Variants in SEMA6D observed in about 807,000 individuals in gnomAD.
The protein encoded by SEMA6D is semaphorin-6D.
SEMA6D carries 35 observed loss-of-function variants against 106.6 expected under a neutral mutation model. That is an observed-to-expected ratio of 0.33 (90% CI 0.25 to 0.44). The LOEUF (loss-of-function observed/expected upper bound fraction) is 0.44, where lower values mean the gene tolerates loss of function less well. SEMA6D is among the 20% of genes least tolerant of loss of function. The probability of loss-of-function intolerance (pLI) is 1.00; values close to 1 mark genes in which losing one functional copy is unlikely to be tolerated. For synonymous variants in SEMA6D, 499 were observed against 487.7 expected (o/e 1.02, Z -0.31); for missense variants, 1,185 against 1,345.9 (o/e 0.88, Z 1.87).
chr15:47,235,922 G>A (rs2032511328), intron 1 of SEMA6D, among the ~76,000 whole-genome samples: 1 of 152,022 alleles, frequency 6.6e-6, no homozygotes, highest in Non-Finnish European at 1.5e-5. Context: ...AGAATTCTTT[G>A]TTACTTTGTT....
At chr15:47,228,311 C>T (rs2031949518) in intron 1 of SEMA6D, among the ~76,000 whole-genome samples, 1 of 151,810 alleles carries the variant, frequency 6.6e-6, no homozygotes, top group Non-Finnish European at 1.5e-5. Flanking sequence ...ATGTAGATTA[C>T]TCCTGGCACT....
intron 3 of SEMA6D, among the ~76,000 whole-genome samples, chr15:47,512,637 G>A (rs1441501253): frequency 6.6e-6 from 1 of 152,166 alleles, no homozygotes; most frequent in African/African-American, 2.4e-5. Flanking sequence ...AAAAGGCCTA[G>A]AATCCTGGAC....
intron 3 of SEMA6D, among the ~76,000 whole-genome samples, chr15:47,500,514 A>G (rs1172884019): frequency 1.3e-5 from 2 of 152,184 alleles, no homozygotes; most frequent in Non-Finnish European, 2.9e-5. Context: ...AAAAACAGAC[A>G]TCATACAAAT....
chr15:47,724,893 A>G (rs1000484619), intron 1 of SEMA6D, among the ~76,000 whole-genome samples: 1 of 152,214 alleles, frequency 6.6e-6, no homozygotes, highest in Admixed American at 6.5e-5. Flanking sequence ...TCAGCTGCCA[A>G]CTGGTTCAGT....
At chr15:47,426,278 C>G (rs1375864846) in intron 2 of SEMA6D, among the ~76,000 whole-genome samples, 1 of 152,026 alleles carries the variant, frequency 6.6e-6, no homozygotes, top group African/African-American at 2.4e-5. Flanking sequence ...GCTGGTACTA[C>G]AGGCATGTAC....
At chr15:47,578,576 G>A (rs12899823) in intron 3 of SEMA6D, among the ~76,000 whole-genome samples, 37,533 of 152,072 alleles carry the variant, frequency 0.25, 5,288 homozygotes, top group East Asian at 0.46. Flanking sequence ...AAAAGTTGGG[G>A]TTAAGGATGC....
intron 4 of SEMA6D, among the ~76,000 whole-genome samples, chr15:47,673,343 A>G (rs1474230770): frequency 1.3e-5 from 2 of 152,160 alleles, no homozygotes; most frequent in Non-Finnish European, 2.9e-5. Flanking sequence ...AATATAACAC[A>G]ATTATCTCTT....
rs567224217 is a variant in SEMA6D at position 47,465,318 on chromosome 15, A to G, written c.-158-5156A>G. On this transcript the variant is annotated intron_variant, in intron 2 of 19. Transcript: ENST00000558014. The stretch of plus-strand genomic sequence containing the variant: ...CTTTCACTATTAATTGGTTCTTAAT[A>G]ATAAGCCCCTAAATATAGATGTTTG... Among the ~76,000 whole-genome samples, 20 of 152,294 alleles carry G rather than the reference A, an allele frequency of 1.3e-4. No individual in the cohort carries two copies. In the South Asian group the frequency reaches 3.3e-3, roughly 25 times the overall value.
chr15:47,231,853 A>G (rs1396814666), intron 1 of SEMA6D, among the ~76,000 whole-genome samples: 1 of 152,028 alleles, frequency 6.6e-6, no homozygotes, highest in African/African-American at 2.4e-5. Flanking sequence ...TAAAATTCAC[A>G]TAACATAAAA....
chr15:47,365,890 G>GGAGAGAGAGAGAGAGAGAGAGAGA (rs201368884), intron 1 of SEMA6D, among the ~76,000 whole-genome samples: 12 of 119,736 alleles, frequency 1.0e-4, no homozygotes, highest in Admixed American at 4.5e-4. Flanking sequence ...GAGAGAGAGA[G>GGAGAGAGAGAGAGAGAGAGAGAGA]GAGAGAGAGA....
intron 4 of SEMA6D, among the ~76,000 whole-genome samples, chr15:47,709,775 A>C (rs2146048349): frequency 6.6e-6 from 1 of 152,128 alleles, no homozygotes; most frequent in Non-Finnish European, 1.5e-5. Flanking sequence ...TTTGTTTCCA[A>C]TTTCTAGAAT....
intron 3 of SEMA6D, among the ~76,000 whole-genome samples, chr15:47,556,569 T>C (rs1163499334): frequency 5.3e-5 from 8 of 152,126 alleles, no homozygotes; most frequent in African/African-American, 1.9e-4. Flanking sequence ...TTTTTTTCTA[T>C]TTTTTTATTG....
chr15:47,191,364 C>A (rs1021673069), intron 1 of SEMA6D, among the ~76,000 whole-genome samples: 3 of 152,020 alleles, frequency 2.0e-5, no homozygotes, highest in African/African-American at 7.2e-5. Context: ...TGGATACAAG[C>A]AACACATGGA....
intron 2 of SEMA6D, among the ~76,000 whole-genome samples, chr15:47,420,514 T>C (rs1295858458): frequency 6.6e-6 from 1 of 152,032 alleles, no homozygotes; most frequent in African/African-American, 2.4e-5. Flanking sequence ...TGCCCCATAG[T>C]TTTGCCCATC....
At chr15:47,598,177 A>G (rs990043563) in intron 3 of SEMA6D, among the ~76,000 whole-genome samples, 1 of 152,046 alleles carries the variant, frequency 6.6e-6, no homozygotes, top group Non-Finnish European at 1.5e-5. Flanking sequence ...TATTGTGTTC[A>G]TTTCCATTTA....
At chr15:47,570,621 G>C (rs1368742101) in intron 3 of SEMA6D, among the ~76,000 whole-genome samples, 2 of 152,192 alleles carry the variant, frequency 1.3e-5, no homozygotes, top group Non-Finnish European at 2.9e-5. Context: ...GCCTGGGCTG[G>C]TCAGCCCCAG....
At chr15:47,668,648 A>G (rs1394950576) in intron 4 of SEMA6D, among the ~76,000 whole-genome samples, 1 of 152,142 alleles carries the variant, frequency 6.6e-6, no homozygotes, top group East Asian at 1.9e-4. Context: ...CAACACCTTG[A>G]TATCATAGTT....
chr15:47,515,694 C>T (rs879901516), intron 3 of SEMA6D, among the ~76,000 whole-genome samples: 3 of 152,160 alleles, frequency 2.0e-5, no homozygotes, highest in Non-Finnish European at 4.4e-5. Flanking sequence ...TTCCTTTCCC[C>T]TTGGAGAATA....
chr15:47,186,621 C>G (rs1893594086), intron 1 of SEMA6D, among the ~76,000 whole-genome samples: 1 of 151,762 alleles, frequency 6.6e-6, no homozygotes, highest in African/African-American at 2.4e-5. Context: ...ATTGGATTAT[C>G]TTTTCAATTG....
Sources: gnomAD v4.1 joint callset for allele counts (sites outside exome capture counted in the v4.1 genomes callset) on GRCh38, gnomAD v4.1.1 for gene constraint, MANE v1.5 for transcripts, NCBI Gene and HGNC (gene_info 2026-07-23, HGNC 2026-07-21) for gene names.